The following ADK variants were observed in gnomAD, a reference collection of about 807,000 sequenced individuals.
ADK encodes the protein N6,N6-dimethyladenosine kinase.
Under a neutral mutation model 44.7 loss-of-function variants are expected in ADK, and 24 were observed. The observed-to-expected ratio is 0.54, with a 90% CI of 0.39 to 0.76. The LOEUF (loss-of-function observed/expected upper bound fraction) is 0.76. ADK is among the 30% of genes least tolerant of loss of function. The pLI is 0.00. For synonymous variants in ADK, 128 were observed against 142.6 expected (o/e 0.90, Z 0.73); for missense variants, 321 against 425.1 (o/e 0.76, Z 2.15).
chr10:74,359,188 T>A (rs922397152), intron 4 of ADK, among the ~76,000 whole-genome samples: 6 of 152,200 alleles, frequency 3.9e-5, no homozygotes, highest in African/African-American at 1.4e-4. Flanking sequence ...TATTTATTTA[T>A]ATGACAGTAC....
At chr10:74,449,911 G>A (rs185497156) in intron 6 of ADK, among the ~76,000 whole-genome samples, 2 of 152,266 alleles carry the variant, frequency 1.3e-5, no homozygotes, top group African/African-American at 4.8e-5. Context: ...TAAGGAATGA[G>A]CAAAAACGTA....
intron 7 of ADK, among the ~76,000 whole-genome samples, chr10:74,586,865 A>AT (rs1428541430): frequency 5.3e-5 from 8 of 150,798 alleles, no homozygotes; most frequent in Non-Finnish European, 1.0e-4. Context: ...AAAAAAAAAA[A>AT]AAAATATATA....
chr10:74,396,400 G>A lies in ADK; in HGVS notation c.447-2071G>A, dbSNP rs150541324. ...AATACAAAAATTAGCTGGGGATGGTGGCATGTACCTGTGGTCCCCGCTGCT... is the reference window on the plus strand; with the variant it reads ...AATACAAAAATTAGCTGGGGATGGTAGCATGTACCTGTGGTCCCCGCTGCT... On this transcript the variant is annotated intron_variant, in intron 5 of 10. Coordinates refer to ENST00000539909, the MANE Select transcript of ADK (RefSeq NM_006721.4). Among the ~76,000 whole-genome samples the A allele has an allele frequency of 3.0e-3, 450 of 151,746 alleles. 1 individual carries two copies. Among genetic ancestry groups the A allele is most frequent in the African/African-American group, 0.01 (431 of 41,378 alleles).
intron 10 of ADK, among the ~76,000 whole-genome samples, chr10:74,707,711 C>A (rs780970640): frequency 1.6e-4 from 22 of 137,698 alleles, no homozygotes; most frequent in Non-Finnish European, 3.2e-4. Context: ...TGCAGTGGGC[C>A]AGGATCATGC....
intron 4 of ADK, among the ~76,000 whole-genome samples, chr10:74,338,829 G>T (rs1169263793): frequency 6.6e-6 from 1 of 152,142 alleles, no homozygotes; most frequent in Middle Eastern, 3.2e-3. Flanking sequence ...TTGTGGTGAT[G>T]GAATAGTTCT....
At chr10:74,409,244 T>A (rs1189560703) in intron 6 of ADK, among the ~76,000 whole-genome samples, 1 of 152,106 alleles carries the variant, frequency 6.6e-6, no homozygotes, top group Admixed American at 6.5e-5. Flanking sequence ...GGAAAAAAGG[T>A]TCCAAGTTTG....
intron 8 of ADK, among the ~76,000 whole-genome samples, chr10:74,594,177 G>A (rs1028572026): frequency 6.6e-6 from 1 of 151,024 alleles, no homozygotes; most frequent in South Asian, 2.1e-4. Context: ...CATACACCGG[G>A]GCCTGTTGTG....
intron 3 of ADK, among the ~76,000 whole-genome samples, chr10:74,304,914 G>A (rs970658752): frequency 1.3e-5 from 2 of 152,012 alleles, no homozygotes; most frequent in South Asian, 2.1e-4. Context: ...ACCTAATCTC[G>A]GAGAACTTAA....
intron 6 of ADK, among the ~76,000 whole-genome samples, chr10:74,413,569 G>A (rs911580509): frequency 5.9e-5 from 9 of 152,136 alleles, no homozygotes; most frequent in Non-Finnish European, 1.0e-4. Context: ...GTTGTGCTCG[G>A]GATTAAGCTT....
chr10:74,367,151 A>T (rs918509665), intron 4 of ADK, among the ~76,000 whole-genome samples: 3 of 152,210 alleles, frequency 2.0e-5, no homozygotes, highest in Admixed American at 6.5e-5. Context: ...ACCAGCTTTA[A>T]TTTAGTTGCT....
At chr10:74,677,177 C>T (rs546308825) in intron 10 of ADK, among the ~76,000 whole-genome samples, 29 of 152,174 alleles carry the variant, frequency 1.9e-4, no homozygotes, top group Middle Eastern at 3.4e-3. Flanking sequence ...CCTGGGAGGT[C>T]GAAGCTGCAG....
chr10:74,553,294 A>C (rs1309396778), intron 7 of ADK, among the ~76,000 whole-genome samples: 1 of 129,646 alleles, frequency 7.7e-6, no homozygotes, highest in Non-Finnish European at 1.5e-5. Context: ...TCCACCTCCC[A>C]GGTTCAAGCG....
intron 9 of ADK, among the ~76,000 whole-genome samples, chr10:74,633,962 C>T (rs930750967): frequency 4.6e-5 from 7 of 152,144 alleles, no homozygotes; most frequent in Non-Finnish European, 7.4e-5. Flanking sequence ...AGAGGTAGCC[C>T]TAAATTCTAC....
chr10:74,325,875 A>G (rs1272969396), intron 4 of ADK, among the ~76,000 whole-genome samples: 2 of 151,840 alleles, frequency 1.3e-5, no homozygotes, highest in Non-Finnish European at 2.9e-5. Context: ...TTCTTTTTTA[A>G]GACAGAGTCT....
chr10:74,295,758 T>TA (rs35788249), intron 3 of ADK, among the ~76,000 whole-genome samples: 10 of 150,826 alleles, frequency 6.6e-5, no homozygotes, highest in South Asian at 4.2e-4. Flanking sequence ...AATGTTCCAT[T>TA]AAAAAAAAAA....
At chr10:74,260,190 T>G (rs570450867) in intron 3 of ADK, among the ~76,000 whole-genome samples, 1 of 152,330 alleles carries the variant, frequency 6.6e-6, no homozygotes, top group East Asian at 1.9e-4. Context: ...AATCAGCCAC[T>G]TGTAACTGAT....
At chr10:74,527,830 C>T in intron 7 of ADK, 2 of 1,237,220 alleles carry the variant, frequency 1.6e-6, no homozygotes, top group Admixed American at 3.4e-5. Flanking sequence ...GGCCCTCTTG[C>T]TTCCAAGTGT....
rs114569088 is a variant in ADK at position 74,421,752 on chromosome 10, A to G, written c.555+23173A>G. Among the ~76,000 whole-genome samples the G allele has an allele frequency of 4.9e-3, 746 of 152,316 alleles. 5 individuals carry two copies. The highest frequency in any genetic ancestry group is 0.017 in the African/African-American group (703 of 41,584). ...GCCAGAAGGCAAGAGATTTCTTAAA[A>G]ATAATAAAGATTAAGCATGCCAAAA... On this transcript the variant is annotated intron_variant, in intron 6 of 10. Coordinates refer to ENST00000539909, the MANE Select transcript of ADK (RefSeq NM_006721.4).
chr10:74,498,746 A>G (rs1329626406), intron 6 of ADK, among the ~76,000 whole-genome samples: 2 of 152,092 alleles, frequency 1.3e-5, no homozygotes, highest in South Asian at 2.1e-4. Flanking sequence ...TCATTGTTCA[A>G]TTCCCACCTA....
Sources: gnomAD v4.1 joint callset for allele counts (sites outside exome capture counted in the v4.1 genomes callset) on GRCh38, gnomAD v4.1.1 for gene constraint, MANE v1.5 for transcripts, NCBI Gene and HGNC (gene_info 2026-07-23, HGNC 2026-07-21) for gene names.